ZFYVE28: variants seen among roughly 807,000 people sequenced by gnomAD.
ZFYVE28 encodes lateral signaling target protein 2 homolog.
In ZFYVE28, 40 loss-of-function variants were observed where a neutral mutation model predicts 82.1. The ratio of observed to expected loss-of-function variants is 0.49; its 90% CI spans 0.38 to 0.63. The LOEUF is 0.63. Among genes scored for constraint, ZFYVE28 ranks in the 30% least tolerant of loss-of-function variants. The probability of loss-of-function intolerance (pLI) is 0.00; values close to 1 mark genes in which losing one functional copy is unlikely to be tolerated. For synonymous variants in ZFYVE28, 612 were observed against 546.1 expected, an observed-to-expected ratio of 1.12 and a Z score of -1.68; for missense variants, 1,321 against 1,242.1, an observed-to-expected ratio of 1.06 and a Z score of -0.96.
At chr4:2,360,389 T>TCTCACACA (rs1553853940) in intron 1 of ZFYVE28, among the ~76,000 whole-genome samples, 4 of 143,386 alleles carry the variant, frequency 2.8e-5, no homozygotes, top group East Asian at 4.1e-4. Context: ...AGAGCTGTAA[T>TCTCACACA]CACACACACA....
intron 1 of ZFYVE28, among the ~76,000 whole-genome samples, chr4:2,377,630 T>C (rs940887729): frequency 6.6e-6 from 1 of 152,200 alleles, no homozygotes. Flanking sequence ...TGTGGGCTCA[T>C]TCTCTATCTT....
rs561636683 is a variant in ZFYVE28, at chr4:2,418,479, C to T, written c.-156G>A. Reference sequence around the variant, plus strand: ...AGCGAAGCCCGGAGCGCCGAGCGGGCGGCGGGCAGGTGCGCGGGGCAGGTG... The same window carrying T: ...AGCGAAGCCCGGAGCGCCGAGCGGGTGGCGGGCAGGTGCGCGGGGCAGGTG... On this transcript the variant is annotated 5_prime_UTR_variant, in exon 1 of 13. Coordinates refer to ENST00000290974, the MANE Select transcript of ZFYVE28 (RefSeq NM_020972.3). The surrounding 1 kb of genome is among the most constrained non-coding windows in gnomAD (Gnocchi z 4.6). 1.5e-5 allele frequency: 7 copies of T among 473,498 alleles called. No individual in the cohort carries two copies. Among genetic ancestry groups the T allele is most frequent in the East Asian group, 1.4e-4 (1 of 7,388 alleles). 29.3% of individuals were successfully genotyped at this position (473,498 alleles called of 1,614,324 possible).
rs1397866096 is a variant in ZFYVE28, at chr4:2,310,071, C to T, written c.804-4535G>A. Among the ~76,000 whole-genome samples the T allele has an allele frequency of 7.2e-5, 11 of 151,882 alleles. No individual in the cohort carries two copies. The South Asian group carries it at 8.3e-4, about 11-fold the overall frequency. On this transcript the variant is annotated intron_variant, in intron 7 of 12. Transcript: ENST00000290974. ...TTTTTAATTTTGAGATAATGTCTTG[C>T]GCTGTCACCCAGGCTGGAGTGCAGT...
chr4:2,275,330 C>T (rs1371356648), intron 8 of ZFYVE28, among the ~76,000 whole-genome samples: 1 of 152,238 alleles, frequency 6.6e-6, no homozygotes, highest in Non-Finnish European at 1.5e-5. Flanking sequence ...TCTAGGGGTG[C>T]ACCCACTGGC....
At chr4:2,368,226 A>AAAAAAAAC (rs1553856593) in intron 1 of ZFYVE28, among the ~76,000 whole-genome samples, 2 of 150,190 alleles carry the variant, frequency 1.3e-5, no homozygotes, top group African/African-American at 4.9e-5. Context: ...AAAAAAAAAA[A>AAAAAAAAC]AAAACACTGT....
Position 2,305,466 on chromosome 4 carries a change from C to T in ZFYVE28, c.874G>A (p.Val292Met), listed in dbSNP as rs765438593. Residue 292 changes from valine (V) to methionine (M), a missense_variant, in exon 8 of 13, where the codon GTG becomes ATG. Physicochemically the swap from Val to Met is conservative, Grantham distance 21. Coordinates refer to ENST00000290974, the MANE Select transcript of ZFYVE28 (RefSeq NM_020972.3). ...LERNLCISQD[V>M]EFPIRADVQG... ...ACGTCTGCGCGGATGGGGAACTCCACGTCTTGGGAAATGCAGAGGTTCCGT... is the reference window on the plus strand; with the variant it reads ...ACGTCTGCGCGGATGGGGAACTCCATGTCTTGGGAAATGCAGAGGTTCCGT... 5.0e-6 allele frequency: 8 copies of T among 1,612,988 alleles called. No individual in the cohort carries two copies. The highest frequency in any genetic ancestry group is 6.8e-6 in the Non-Finnish European group (8 of 1,180,044).
chr4:2,359,370 T>C (rs1427524569), intron 1 of ZFYVE28, among the ~76,000 whole-genome samples: 3 of 152,134 alleles, frequency 2.0e-5, no homozygotes, highest in African/African-American at 7.2e-5. Context: ...AAGCGATTCA[T>C]CTGCCTCTGC....
In ZFYVE28 at chr4:2,305,068, C is replaced by A; in HGVS notation, c.1272G>T (p.Gly424=). Residue 424 remains glycine (G), a synonymous_variant, in exon 8 of 13, where the codon GGG becomes GGT. Transcript: ENST00000290974. The stretch of plus-strand genomic sequence containing the variant: ...GGTCGGCCCAGGTACTGCCTGCCCA[C>A]CCAAATGGGCCAGCTGGGGACTCGG... ...ARPESPAGPF[G]WAGSTWADPQ... is the part of the protein sequence containing the mutation. The A allele has an allele frequency of 6.2e-7, 1 of 1,610,474 alleles. No individual in the cohort carries two copies. Among genetic ancestry groups the A allele is most frequent in the East Asian group, 2.2e-5 (1 of 44,828 alleles).
In ZFYVE28 at chr4:2,270,280, T is replaced by C. The variant is rs562516153; in HGVS notation, c.*445A>G. 3.5e-4 allele frequency: 65 copies of C among 184,758 alleles called. No individual in the cohort carries two copies. The highest frequency in any genetic ancestry group is 1.5e-3 in the African/African-American group (65 of 42,210). The allele number at this position is 184,758 out of a possible 1,614,324, so 11.4% of individuals were successfully genotyped here. The stretch of plus-strand genomic sequence containing the variant: ...CTGCATTTGACGTTTGGGAGGCACA[T>C]AGGGAGCCCTGCTGTGCCAAAGAGC... On this transcript the variant is annotated 3_prime_UTR_variant, in exon 13 of 13. Transcript: ENST00000290974.
chr4:2,413,468 C>T (rs986012187), intron 1 of ZFYVE28, among the ~76,000 whole-genome samples: 1 of 152,226 alleles, frequency 6.6e-6, no homozygotes, highest in African/African-American at 2.4e-5. Context: ...GGGCCAGCCA[C>T]GCCTGCTCTG....
At chr4:2,336,180 G>A (rs1352249178) in intron 5 of ZFYVE28, among the ~76,000 whole-genome samples, 4 of 152,154 alleles carry the variant, frequency 2.6e-5, no homozygotes, top group African/African-American at 9.7e-5. Flanking sequence ...GAATGAACAC[G>A]GAACAAAAAT....
chr4:2,283,577 C>CCCAT (rs564572115), intron 8 of ZFYVE28, among the ~76,000 whole-genome samples: 1,694 of 147,140 alleles, frequency 0.012, 24 homozygotes, highest in African/African-American at 0.036. Flanking sequence ...CGTCCATCCA[C>CCCAT]CCATCCATCC....
At chr4:2,272,025 C>A (rs1156511813) in intron 10 of ZFYVE28, among the ~76,000 whole-genome samples, 1 of 152,240 alleles carries the variant, frequency 6.6e-6, no homozygotes, top group Admixed American at 6.5e-5. Flanking sequence ...CTCCCCCTGA[C>A]AGGGGCATCC....
chr4:2,325,315 T>C (rs192539760), intron 6 of ZFYVE28, among the ~76,000 whole-genome samples: 42 of 152,356 alleles, frequency 2.8e-4, no homozygotes, highest in African/African-American at 9.1e-4. Flanking sequence ...TAAATGGCCT[T>C]GCTCTTACTA....
chr4:2,328,200 C>T (rs750048392), intron 6 of ZFYVE28, among the ~76,000 whole-genome samples: 1 of 151,982 alleles, frequency 6.6e-6, no homozygotes, highest in Admixed American at 6.5e-5. Context: ...TATATATACA[C>T]AATAGAATAC....
chr4:2,392,777 T>C (rs949850796), intron 1 of ZFYVE28, among the ~76,000 whole-genome samples: 1 of 152,190 alleles, frequency 6.6e-6, no homozygotes, highest in African/African-American at 2.4e-5. Context: ...CATTCTTCTG[T>C]CAAACTCCCA....
At chr4:2,397,842 G>A (rs1055435895) in intron 1 of ZFYVE28, among the ~76,000 whole-genome samples, 7 of 152,040 alleles carry the variant, frequency 4.6e-5, no homozygotes, top group African/African-American at 4.8e-5. Context: ...GTGGCTATTC[G>A]GAATGACATT....
intron 1 of ZFYVE28, among the ~76,000 whole-genome samples, chr4:2,399,384 G>C (rs928700499): frequency 1.3e-4 from 20 of 152,242 alleles, no homozygotes; most frequent in Middle Eastern, 3.4e-3. Flanking sequence ...TGCGGAGCTG[G>C]GCTGGCCCGT....
chr4:2,278,721 A>G (rs1007391940), intron 8 of ZFYVE28, among the ~76,000 whole-genome samples: 2 of 151,132 alleles, frequency 1.3e-5, no homozygotes, highest in African/African-American at 4.9e-5. Flanking sequence ...TGCAATATAG[A>G]AAGAATTTTT....
Sources: allele counts gnomAD v4.1 joint callset (sites outside exome capture counted in the v4.1 genomes callset), GRCh38; gene constraint gnomAD v4.1.1; non-coding constraint Gnocchi (gnomAD v3.1); transcripts MANE v1.5; gene names NCBI Gene and HGNC (gene_info 2026-07-23, HGNC 2026-07-21).